C4orf50: variants seen among roughly 807,000 people sequenced by gnomAD.
C4orf50 encodes the protein chromosome 4 open reading frame 50.
A neutral mutation model predicts 77.2 loss-of-function variants in C4orf50; 80 were observed. The observed-to-expected ratio is 1.04, with a 90% CI of 0.87 to 1.25. The LOEUF (loss-of-function observed/expected upper bound fraction) is 1.25, where lower values mean the gene tolerates loss of function less well. C4orf50 is among the 50% of genes most tolerant of loss of function. C4orf50 has a pLI of 0.00. For missense variants in C4orf50, 1,257 were observed against 1,152.9 expected (o/e 1.09, Z -1.31); for synonymous variants, 532 against 465.3 (o/e 1.14, Z -1.84).
chr4:5,902,511 G>A (rs755792094), intron 7 of C4orf50: 3 of 152,180 alleles, frequency 2.0e-5, no homozygotes, highest in Non-Finnish European at 2.9e-5. Flanking sequence ...ACCCTTGGAC[G>A]TGACCTTACT....
At chr4:5,940,536 G>C (rs1718215589) in intron 7 of C4orf50, among the ~76,000 whole-genome samples, 1 of 152,194 alleles carries the variant, frequency 6.6e-6, no homozygotes, top group South Asian at 2.1e-4. Flanking sequence ...TGTGGAAGCT[G>C]AAGTGCCTGG....
At chr4:6,001,231 C>G (rs1721817813) in intron 25 of C4orf50, among the ~76,000 whole-genome samples, 1 of 152,210 alleles carries the variant, frequency 6.6e-6, no homozygotes, top group South Asian at 2.1e-4. Context: ...TCACTGCAAC[C>G]TCTGCCCCCA....
intron 7 of C4orf50, among the ~76,000 whole-genome samples, chr4:5,941,105 TACTC>T (rs1410383413): frequency 6.6e-6 from 1 of 152,248 alleles, no homozygotes; most frequent in Non-Finnish European, 1.5e-5. Context: ...GGTGGTTTAT[TACTC>T]AATCATATCT....
chr4:5,968,409 G>T (rs1304031887), intron 31 of C4orf50, among the ~76,000 whole-genome samples: 1 of 152,202 alleles, frequency 6.6e-6, no homozygotes, highest in Non-Finnish European at 1.5e-5. Context: ...TTATGGCTCA[G>T]CCGTCTTCTG....
chr4:5,982,890 A>C (rs1720670295), intron 28 of C4orf50, among the ~76,000 whole-genome samples: 1 of 152,144 alleles, frequency 6.6e-6, no homozygotes, highest in Non-Finnish European at 1.5e-5. Flanking sequence ...GAATGAGGGC[A>C]GAGGTGGCAG....
At chr4:5,996,080 C>T (rs1412838891) in intron 25 of C4orf50, among the ~76,000 whole-genome samples, 2 of 152,226 alleles carry the variant, frequency 1.3e-5, no homozygotes, top group African/African-American at 4.8e-5. Flanking sequence ...TGGTGCCCAT[C>T]TATGGGCTGT....
exon 34 of C4orf50, chr4:5,957,239 C>G (rs1028345322): frequency 2.0e-5 from 3 of 152,266 alleles, no homozygotes; most frequent in Non-Finnish European, 1.5e-5. Context: ...CAGAGGGGAG[C>G]ATGAAGTCAC....
chr4:5,981,074 A>G (rs1201337655), intron 28 of C4orf50, among the ~76,000 whole-genome samples: 1 of 152,194 alleles, frequency 6.6e-6, no homozygotes, highest in African/African-American at 2.4e-5. Context: ...TAAATAACTC[A>G]CATACATATA....
At chr4:5,983,054 G>T (rs925647774) in intron 28 of C4orf50, among the ~76,000 whole-genome samples, 2 of 152,122 alleles carry the variant, frequency 1.3e-5, no homozygotes, top group African/African-American at 4.8e-5. Flanking sequence ...AATACATCAG[G>T]TGTTGGTGAC....
At chr4:5,989,170 C>A in exon 28 of C4orf50, 2 of 1,536,036 alleles carry the variant, frequency 1.3e-6, no homozygotes, top group Non-Finnish European at 1.7e-6. Context: ...TTCAAGGGCG[C>A]ACACTCTTTC....
chr4:5,992,037 C>A lies in C4orf50; in HGVS notation c.1221+766G>T, dbSNP rs1721321224. Among the ~76,000 whole-genome samples the A allele has an allele frequency of 6.6e-6, 1 of 152,194 alleles. No homozygotes were observed. Among genetic ancestry groups the A allele is most frequent in the African/African-American group, 2.4e-5 (1 of 41,456 alleles). On this transcript the variant is annotated intron_variant, in intron 27 of 33. Coordinates refer to ENST00000531445, the Ensembl canonical transcript of C4orf50. The surrounding 1 kb of genome is among the most constrained non-coding windows in gnomAD (Gnocchi z 5.0). Reference sequence around the variant, plus strand: ...ACCTGGCTTCAATCCTGGGTGTGACCTTGAGCAAGTTCCTTAACCTGCTGG... The same window carrying A: ...ACCTGGCTTCAATCCTGGGTGTGACATTGAGCAAGTTCCTTAACCTGCTGG...
chr4:5,950,184 A>G (rs1718657409), intron 7 of C4orf50, among the ~76,000 whole-genome samples: 1 of 152,192 alleles, frequency 6.6e-6, no homozygotes, highest in African/African-American at 2.4e-5. Context: ...CCTTATTAAC[A>G]TTCTGATTCA....
intron 23 of C4orf50, among the ~76,000 whole-genome samples, chr4:6,016,429 G>A (rs1381311164): frequency 2.0e-5 from 3 of 152,160 alleles, no homozygotes; most frequent in Non-Finnish European, 4.4e-5. Flanking sequence ...GGCGCCTATA[G>A]TCCCAGCTAC....
chr4:6,002,855 C>A (rs1402945061), intron 25 of C4orf50, among the ~76,000 whole-genome samples: 1 of 152,212 alleles, frequency 6.6e-6, no homozygotes, highest in Admixed American at 6.5e-5. Context: ...GGTTGTGTGA[C>A]CCTGGACAGG....
intron 7 of C4orf50, among the ~76,000 whole-genome samples, chr4:5,907,818 C>T (rs1015966987): frequency 6.6e-6 from 1 of 152,116 alleles, no homozygotes; most frequent in Admixed American, 6.5e-5. Flanking sequence ...TAAAAAGGCC[C>T]TAAAGTGGGG....
chr4:5,912,548 C>T (rs1428158041), intron 7 of C4orf50, among the ~76,000 whole-genome samples: 1 of 152,078 alleles, frequency 6.6e-6, no homozygotes, highest in Non-Finnish European at 1.5e-5. Context: ...AAGAGTGCAC[C>T]AGTGTTCTAA....
At chr4:5,934,122 C>T (rs1188292768) in intron 7 of C4orf50, among the ~76,000 whole-genome samples, 2 of 152,106 alleles carry the variant, frequency 1.3e-5, no homozygotes, top group Non-Finnish European at 2.9e-5. Context: ...ACTTCGCCTC[C>T]CTGCACCTCG....
At chr4:5,936,362 G>A (rs1009169651) in intron 7 of C4orf50, among the ~76,000 whole-genome samples, 1 of 152,092 alleles carries the variant, frequency 6.6e-6, no homozygotes, top group Non-Finnish European at 1.5e-5. Context: ...AGGAGTTGGA[G>A]ACCAGCCTGG....
chr4:5,972,931 C>T (rs1016690999), intron 31 of C4orf50, among the ~76,000 whole-genome samples: 3 of 152,188 alleles, frequency 2.0e-5, no homozygotes, highest in African/African-American at 4.8e-5. Flanking sequence ...CTGTGTGACC[C>T]GGAGCACATC....
Sources: allele counts gnomAD v4.1 joint callset (sites outside exome capture counted in the v4.1 genomes callset), GRCh38; gene constraint gnomAD v4.1.1; non-coding constraint Gnocchi (gnomAD v3.1); transcripts MANE v1.5; gene names NCBI Gene and HGNC (gene_info 2026-07-23, HGNC 2026-07-21).